DACH2: variants seen among roughly 807,000 people sequenced by gnomAD.
The protein encoded by DACH2 is dachshund homolog 2.
DACH2 carries 17 observed loss-of-function variants against 35.8 expected under a neutral mutation model. That is an observed-to-expected ratio of 0.48 (90% CI 0.33 to 0.71). DACH2 has a LOEUF of 0.71. DACH2 is among the 30% of genes least tolerant of loss of function. The probability of loss-of-function intolerance (pLI) is 0.02; values close to 1 mark genes in which losing one functional copy is unlikely to be tolerated. For synonymous variants in DACH2, 195 were observed against 177.3 expected (o/e 1.10, Z -0.79); for missense variants, 469 against 472.7 (o/e 0.99, Z 0.07).
intron 4 of DACH2, among the ~76,000 whole-genome samples, chrX:86,659,533 TC>T (rs1449506000): frequency 1.8e-5 from 2 of 111,576 alleles, no homozygotes; most frequent in African/African-American, 6.5e-5. Flanking sequence ...ATTCTGATCT[TC>T]CTAGTCCTCC....
intron 7 of DACH2, among the ~76,000 whole-genome samples, chrX:86,782,208 A>G (rs1422623913): frequency 8.9e-6 from 1 of 111,802 alleles, no homozygotes; most frequent in Non-Finnish European, 1.9e-5. Context: ...AAGTGGGAAA[A>G]TGTTCTATGT....
At chrX:86,251,897 G>C (rs1050108628) in intron 1 of DACH2, among the ~76,000 whole-genome samples, 6 of 111,611 alleles carry the variant, frequency 5.4e-5, no homozygotes, top group African/African-American at 2.0e-4. Context: ...TCTACTTTTA[G>C]TTCTTTAAGG....
intron 4 of DACH2, among the ~76,000 whole-genome samples, chrX:86,661,289 A>T (rs1362338639): frequency 8.9e-6 from 1 of 112,293 alleles, no homozygotes; most frequent in Non-Finnish European, 1.9e-5. Context: ...GAAATATTTT[A>T]TCACTCCATG....
intron 2 of DACH2, among the ~76,000 whole-genome samples, chrX:86,427,529 C>A (rs2036914066): frequency 1.8e-5 from 2 of 111,024 alleles, no homozygotes; most frequent in Non-Finnish European, 3.8e-5. Flanking sequence ...TCCGCAATCT[C>A]GGAAGTATTT....
intron 7 of DACH2, among the ~76,000 whole-genome samples, chrX:86,768,260 T>C (rs2041954720): frequency 8.9e-6 from 1 of 111,839 alleles, no homozygotes; most frequent in Non-Finnish European, 1.9e-5. Flanking sequence ...TAATTACAAT[T>C]GAAAATCCTC....
chrX:86,747,986 CA>C (rs2041731365), intron 7 of DACH2, among the ~76,000 whole-genome samples: 1 of 112,268 alleles, frequency 8.9e-6, no homozygotes, highest in Non-Finnish European at 1.9e-5. Context: ...ACATTTTTAT[CA>C]GGAGTATATT....
intron 3 of DACH2, among the ~76,000 whole-genome samples, chrX:86,565,233 C>T (rs1308904808): frequency 9.0e-6 from 1 of 111,586 alleles, no homozygotes; most frequent in African/African-American, 3.3e-5. Flanking sequence ...TTTTCTTAGA[C>T]ACTCCCCATG....
chrX:86,684,650 T>A (rs1444074406), intron 4 of DACH2, among the ~76,000 whole-genome samples: 1 of 111,096 alleles, frequency 9.0e-6, no homozygotes, highest in Non-Finnish European at 1.9e-5. Context: ...TTTACAACAC[T>A]AATTTTTCAT....
chrX:86,809,571 C>T (rs2042376174), intron 7 of DACH2, among the ~76,000 whole-genome samples: 1 of 111,808 alleles, frequency 8.9e-6, no homozygotes, highest in Admixed American at 9.5e-5. Context: ...AAACATAATA[C>T]ACTTCTACTG....
At chrX:86,468,023 A>G (rs186965283) in intron 2 of DACH2, among the ~76,000 whole-genome samples, 2 of 111,583 alleles carry the variant, frequency 1.8e-5, no homozygotes, top group Non-Finnish European at 3.8e-5. Flanking sequence ...GCCAAACCAT[A>G]TCACTAACTT....
At chrX:86,697,088 C>T in intron 5 of DACH2, among the ~76,000 whole-genome samples, 1 of 111,492 alleles carries the variant, frequency 9.0e-6, no homozygotes, top group Non-Finnish European at 1.9e-5. Context: ...CCTGTCTCAC[C>T]TAAGGACTTA....
chrX:86,771,827 G>A (rs924861065), intron 7 of DACH2, among the ~76,000 whole-genome samples: 1 of 111,737 alleles, frequency 8.9e-6, no homozygotes, highest in Non-Finnish European at 1.9e-5. Context: ...CATAGCTTAG[G>A]TATGTCCCTA....
chrX:86,751,599 T>C (rs1485278398), intron 7 of DACH2, among the ~76,000 whole-genome samples: 1 of 111,391 alleles, frequency 9.0e-6, no homozygotes, highest in Non-Finnish European at 1.9e-5. Context: ...ACAATATAAT[T>C]AGATTCTAGC....
intron 3 of DACH2, among the ~76,000 whole-genome samples, chrX:86,596,889 T>G (rs1280398635): frequency 2.7e-5 from 3 of 109,932 alleles, no homozygotes; most frequent in Non-Finnish European, 3.8e-5. Context: ...GAAGCAACTG[T>G]TTTTTTTTCC....
chrX:86,385,858 G>A (rs1011482226), intron 2 of DACH2, among the ~76,000 whole-genome samples: 1 of 111,362 alleles, frequency 9.0e-6, no homozygotes, highest in East Asian at 2.8e-4. Context: ...TAAAGGAAGT[G>A]TGTGTGTTTT....
intron 1 of DACH2, among the ~76,000 whole-genome samples, chrX:86,265,208 C>T (rs150999968): frequency 2.1e-3 from 234 of 111,461 alleles, no homozygotes; most frequent in Middle Eastern, 9.4e-3. Flanking sequence ...GATATTATTG[C>T]GGGACAGATG....
In DACH2 at chrX:86,661,546, C is replaced by T. The variant is rs183064830; in HGVS notation, c.772+10379C>T. On this transcript the variant is annotated intron_variant, in intron 4 of 11. Transcript: ENST00000373125. ...TTATTTTAATGCCTGAATGAGATTC[C>T]GTTTATGAAAATACTACATTTTGTT... Among the ~76,000 whole-genome samples, 262 of 112,235 alleles carry T rather than the reference C, an allele frequency of 2.3e-3. 2 individuals carry two copies. Among genetic ancestry groups the T allele is most frequent in the Non-Finnish European group, 3.5e-3 (188 of 53,175 alleles).
At chrX:86,663,918 G>C (rs2040637056) in intron 4 of DACH2, among the ~76,000 whole-genome samples, 1 of 111,823 alleles carries the variant, frequency 8.9e-6, no homozygotes, top group African/African-American at 3.2e-5. Context: ...TAAATGGCTT[G>C]CAGAAATTTG....
At chrX:86,534,634 C>A (rs1031255289) in intron 3 of DACH2, among the ~76,000 whole-genome samples, 1 of 111,893 alleles carries the variant, frequency 8.9e-6, no homozygotes, top group African/African-American at 3.2e-5. Flanking sequence ...TTCTCCCTTT[C>A]TATTGCTGAA....
Sources: allele counts gnomAD v4.1 joint callset (sites outside exome capture counted in the v4.1 genomes callset), GRCh38; gene constraint gnomAD v4.1.1; transcripts MANE v1.5; gene names NCBI Gene and HGNC (gene_info 2026-07-23, HGNC 2026-07-21).